GPM6A: variants seen among roughly 807,000 people sequenced by gnomAD.
GPM6A encodes the protein neuronal membrane glycoprotein M6-a.
A neutral mutation model predicts 32.1 loss-of-function variants in GPM6A; 7 were observed. The ratio of observed to expected loss-of-function variants is 0.22; its 90% CI spans 0.12 to 0.41. The LOEUF is 0.41. GPM6A is among the 10% of genes least tolerant of loss of function. GPM6A has a pLI of 1.00. For synonymous variants in GPM6A, 130 were observed against 123.4 expected (o/e 1.05, Z -0.35); for missense variants, 235 against 347.2 (o/e 0.68, Z 2.57).
intron 1 of GPM6A, among the ~76,000 whole-genome samples, chr4:175,724,439 G>T (rs1027144512): frequency 2.0e-5 from 3 of 152,156 alleles, no homozygotes; most frequent in Admixed American, 6.5e-5. Flanking sequence ...AGCTACTCGG[G>T]AGGCTAAGGT....
intron 1 of GPM6A, among the ~76,000 whole-genome samples, chr4:175,893,628 C>T (rs1251968141): frequency 6.6e-6 from 1 of 152,128 alleles, no homozygotes; most frequent in African/African-American, 2.4e-5. Flanking sequence ...TTAAACTACC[C>T]CCTGAATAGA....
intron 4 of GPM6A, among the ~76,000 whole-genome samples, chr4:175,645,732 A>C (rs1450708090): frequency 6.6e-6 from 1 of 152,170 alleles, no homozygotes; most frequent in Non-Finnish European, 1.5e-5. Flanking sequence ...AAAAACAAAC[A>C]AACAAACAAA....
intron 1 of GPM6A, among the ~76,000 whole-genome samples, chr4:175,718,645 CTACAATTAAA>C (rs201095863): frequency 0.033 from 4,964 of 152,078 alleles, 129 homozygotes; most frequent in South Asian, 0.12. Flanking sequence ...ATTTACATTA[CTACAATTAAA>C]TTGGTGAATG....
chr4:175,763,540 G>T (rs916927022), intron 1 of GPM6A, among the ~76,000 whole-genome samples: 1 of 151,950 alleles, frequency 6.6e-6, no homozygotes, highest in Non-Finnish European at 1.5e-5. Context: ...CTTATTGATA[G>T]GTCAAATTCT....
intron 6 of GPM6A, among the ~76,000 whole-genome samples, 155 bp downstream of exon 6, chr4:175,639,974 A>T (rs1358019621): frequency 7.3e-6 from 1 of 137,246 alleles, no homozygotes; most frequent in Non-Finnish European, 1.5e-5. Context: ...CTTGTTGTTG[A>T]CTTACTTACC....
chr4:175,670,253 C>T lies in GPM6A; in HGVS notation c.387+3427G>A, dbSNP rs185382798. Among the ~76,000 whole-genome samples, 697 of 152,122 alleles carry T rather than the reference C, an allele frequency of 4.6e-3. 7 individuals carry two copies. The highest frequency in any genetic ancestry group is 0.015 in the African/African-American group (633 of 41,470). Reference sequence around the variant, plus strand: ...AGTACATTTGGGAAATCTATTACTTCGAAAGTGTTGCATTTAAAAATCTAA... The same window carrying T: ...AGTACATTTGGGAAATCTATTACTTTGAAAGTGTTGCATTTAAAAATCTAA... On this transcript the variant is annotated intron_variant, in intron 3 of 6. Coordinates refer to ENST00000393658, the MANE Select transcript of GPM6A (RefSeq NM_201591.3).
intron 1 of GPM6A, among the ~76,000 whole-genome samples, chr4:176,000,076 T>A (rs1296329173): frequency 6.6e-6 from 1 of 152,172 alleles, no homozygotes; most frequent in Non-Finnish European, 1.5e-5. Flanking sequence ...AGTTCTGGCT[T>A]CATGCTGTCA....
chr4:175,913,968 T>A (rs1738404145), intron 1 of GPM6A, among the ~76,000 whole-genome samples: 1 of 152,148 alleles, frequency 6.6e-6, no homozygotes. Context: ...CAAAGAAGTG[T>A]CTGAGACAGG....
rs1418419820 is a variant in GPM6A at position 175,909,046 on chromosome 4, G to A, written c.-23+93263C>T. The stretch of plus-strand genomic sequence containing the variant: ...AGGCAGACAAAAAAAAAAGGGCGGG[G>A]GGGGGGCAACTAGCTCATAACCAAC... On this transcript the variant is annotated intron_variant, in intron 1 of 7. Transcript: ENST00000280187. 3.0e-5 allele frequency among the ~76,000 whole-genome samples: 3 copies of A among 98,584 alleles called. 1 individual carries two copies. The highest frequency in any genetic ancestry group is 3.8e-5 in the Non-Finnish European group (2 of 52,726). The allele number at this position is 98,584 out of a possible 152,430, so 64.7% of individuals were successfully genotyped here.
At chr4:175,693,689 G>A (rs377354763) in intron 2 of GPM6A, among the ~76,000 whole-genome samples, 3 of 152,250 alleles carry the variant, frequency 2.0e-5, no homozygotes, top group African/African-American at 7.2e-5. Context: ...AACAAAGCAA[G>A]TTTTCTTCTA....
chr4:175,713,304 G>A (rs1466251988), intron 1 of GPM6A, among the ~76,000 whole-genome samples: 1 of 152,144 alleles, frequency 6.6e-6, no homozygotes, highest in Non-Finnish European at 1.5e-5. Context: ...CCGATTTCAA[G>A]CCATTCTCCT....
At chr4:175,691,531 C>T (rs17061793) in intron 2 of GPM6A, among the ~76,000 whole-genome samples, 7,171 of 152,222 alleles carry the variant, frequency 0.047, 201 homozygotes, top group Non-Finnish European at 0.063. Flanking sequence ...CTATATACCA[C>T]TTTGAAAACT....
chr4:175,833,699 T>C (rs916743042), intron 1 of GPM6A, among the ~76,000 whole-genome samples: 5 of 152,130 alleles, frequency 3.3e-5, no homozygotes, highest in African/African-American at 1.2e-4. Context: ...AGATGAGTCA[T>C]AGCAGAAACT....
intron 4 of GPM6A, among the ~76,000 whole-genome samples, chr4:175,645,174 C>A (rs547099794): frequency 3.2e-4 from 48 of 152,180 alleles, no homozygotes; most frequent in African/African-American, 1.1e-3. Flanking sequence ...TTGGGGAGAA[C>A]AGGGAGGACT....
chr4:175,886,722 A>AAC (rs34241399), intron 1 of GPM6A, among the ~76,000 whole-genome samples: 4,810 of 145,758 alleles, frequency 0.033, 92 homozygotes, highest in Admixed American at 0.055. Flanking sequence ...AAACTCAGTA[A>AAC]ACACACACAC....
At chr4:175,678,561 G>T (rs557975848) in intron 2 of GPM6A, among the ~76,000 whole-genome samples, 4 of 152,262 alleles carry the variant, frequency 2.6e-5, no homozygotes, top group African/African-American at 7.2e-5. Flanking sequence ...ATGAGAGAGA[G>T]AGAAGAACTT....
At chr4:175,701,528 T>G (rs1359487297) in intron 2 of GPM6A, 47 bp downstream of exon 2, 14 of 1,361,330 alleles carry the variant, frequency 1.0e-5, no homozygotes, top group Non-Finnish European at 1.5e-5. Flanking sequence ...CACATAGAAG[T>G]GTAAATATAT....
intron 1 of GPM6A, among the ~76,000 whole-genome samples, chr4:175,751,654 C>A (rs899430188): frequency 3.9e-5 from 6 of 151,966 alleles, no homozygotes; most frequent in African/African-American, 1.4e-4. Flanking sequence ...TATGACAGAT[C>A]ATTCTGGAAA....
chr4:175,817,299 T>C (rs904747438), intron 1 of GPM6A, among the ~76,000 whole-genome samples: 1 of 152,234 alleles, frequency 6.6e-6, no homozygotes, highest in Non-Finnish European at 1.5e-5. Flanking sequence ...TTCACAGTAG[T>C]ATCATTACCC....
Sources: allele counts gnomAD v4.1 joint callset (sites outside exome capture counted in the v4.1 genomes callset), GRCh38; gene constraint gnomAD v4.1.1; transcripts MANE v1.5; gene names NCBI Gene and HGNC (gene_info 2026-07-23, HGNC 2026-07-21).